MIPOL1: variants seen among roughly 807,000 people sequenced by gnomAD.
MIPOL1 encodes mirror-image polydactyly gene 1 protein.
A neutral mutation model predicts 60.9 loss-of-function variants in MIPOL1; 57 were observed. The ratio of observed to expected loss-of-function variants is 0.94; its 90% CI spans 0.76 to 1.17. MIPOL1 has a LOEUF of 1.17. Among genes scored for constraint, MIPOL1 ranks in the 50% most tolerant of loss-of-function variants. MIPOL1 has a pLI of 0.00. For missense variants in MIPOL1, 551 were observed against 511.6 expected, an observed-to-expected ratio of 1.08 and a Z score of -0.74; for synonymous variants, 179 against 168.8, an observed-to-expected ratio of 1.06 and a Z score of -0.47.
At chr14:37,297,670 CAGAG>C (rs529477775) in intron 7 of MIPOL1, among the ~76,000 whole-genome samples, 1 of 152,068 alleles carries the variant, frequency 6.6e-6, no homozygotes, top group Non-Finnish European at 1.5e-5. Context: ...AACAGACAAA[CAGAG>C]AGCCAAATCA....
intron 10 of MIPOL1, among the ~76,000 whole-genome samples, chr14:37,374,784 T>C (rs1235147926): frequency 4.6e-5 from 7 of 152,174 alleles, no homozygotes; most frequent in African/African-American, 7.2e-5. Context: ...TTTTGGTTAC[T>C]GTAGCCTCGT....
chr14:37,266,671 C>A (rs1460399585), intron 3 of MIPOL1, among the ~76,000 whole-genome samples: 2 of 152,184 alleles, frequency 1.3e-5, no homozygotes, highest in African/African-American at 2.4e-5. Context: ...CCATGGACCA[C>A]TGCCAACTAT....
At chr14:37,261,153 CTT>C (rs2082494946) in intron 3 of MIPOL1, among the ~76,000 whole-genome samples, 1 of 151,616 alleles carries the variant, frequency 6.6e-6, no homozygotes, top group Admixed American at 6.6e-5. Context: ...AGTATTTTCT[CTT>C]TGTGTTTATG....
chr14:37,314,873 G>A (rs1275954228), intron 9 of MIPOL1, among the ~76,000 whole-genome samples: 1 of 152,102 alleles, frequency 6.6e-6, no homozygotes, highest in African/African-American at 2.4e-5. Flanking sequence ...GAAACTAAAA[G>A]CATTTAGTGA....
intron 1 of MIPOL1, among the ~76,000 whole-genome samples, chr14:37,236,727 C>T (rs949439566): frequency 1.3e-5 from 2 of 152,178 alleles, no homozygotes; most frequent in African/African-American, 4.8e-5. Flanking sequence ...TGTGAGCTAC[C>T]ACGCCTGGCC....
At chr14:37,230,977 G>A (rs1008610035) in intron 1 of MIPOL1, among the ~76,000 whole-genome samples, 2 of 151,736 alleles carry the variant, frequency 1.3e-5, no homozygotes, top group African/African-American at 2.4e-5. Context: ...GTTATTTTCC[G>A]GTTATCTGTG....
intron 1 of MIPOL1, among the ~76,000 whole-genome samples, chr14:37,205,587 T>C (rs1192734363): frequency 1.3e-5 from 2 of 152,104 alleles, no homozygotes; most frequent in Admixed American, 6.5e-5. Context: ...ATCATTTACA[T>C]TGGGTGTTTC....
At chr14:37,497,949 T>C (rs542223491) in intron 11 of MIPOL1, among the ~76,000 whole-genome samples, 4 of 152,286 alleles carry the variant, frequency 2.6e-5, no homozygotes, top group South Asian at 4.1e-4. Flanking sequence ...ACTTTACACA[T>C]GAATACCTAG....
intron 11 of MIPOL1, among the ~76,000 whole-genome samples, chr14:37,492,473 T>A (rs1426474007): frequency 6.6e-6 from 1 of 152,218 alleles, no homozygotes; most frequent in Non-Finnish European, 1.5e-5. Flanking sequence ...TGTGTAACAT[T>A]TTTGTACAAA....
intron 9 of MIPOL1, among the ~76,000 whole-genome samples, chr14:37,356,909 A>T (rs2091887760): frequency 6.6e-6 from 1 of 152,138 alleles, no homozygotes; most frequent in South Asian, 2.1e-4. Flanking sequence ...AGCTGTTTCT[A>T]TTCGGCCATC....
intron 11 of MIPOL1, among the ~76,000 whole-genome samples, chr14:37,462,186 GC>G (rs1266013458): frequency 6.6e-6 from 1 of 152,236 alleles, no homozygotes; most frequent in Non-Finnish European, 1.5e-5. Flanking sequence ...TGACTTCTGT[GC>G]ACTCACAGGC....
chr14:37,550,562 G>C lies in MIPOL1; in HGVS notation c.*3591G>C, dbSNP rs924514278. ...TACCTTTTAAAAAAATGATTTATAA[G>C]TGAACTGTTAGGCTCCAGTGATTTC... On this transcript the variant is annotated 3_prime_UTR_variant, in exon 13 of 13. Coordinates refer to ENST00000684589, the MANE Select transcript of MIPOL1 (RefSeq NM_001388067.1). The C allele has an allele frequency of 1.9e-4, 29 of 151,768 alleles. No individual in the cohort carries two copies. Among genetic ancestry groups the C allele is most frequent in the Admixed American group, 2.6e-4 (4 of 15,214 alleles). The allele number at this position is 151,768 out of a possible 1,614,324, so 9.4% of individuals were successfully genotyped here.
intron 9 of MIPOL1, among the ~76,000 whole-genome samples, chr14:37,332,022 C>T (rs529282424): frequency 6.6e-6 from 1 of 152,198 alleles, no homozygotes; most frequent in East Asian, 1.9e-4. Flanking sequence ...CCTGTAATCC[C>T]AGCTGCTCGG....
intron 1 of MIPOL1, among the ~76,000 whole-genome samples, chr14:37,223,322 C>T (rs6571798): frequency 0.26 from 39,218 of 151,866 alleles, 5,227 homozygotes; most frequent in South Asian, 0.33. Flanking sequence ...CATGAGCCAC[C>T]GTGCCTGGCC....
chr14:37,498,713 G>A (rs922490486), intron 11 of MIPOL1, among the ~76,000 whole-genome samples: 4 of 152,220 alleles, frequency 2.6e-5, no homozygotes, highest in South Asian at 4.1e-4. Context: ...GTAACAGTCC[G>A]TATTCTTAGG....
intron 11 of MIPOL1, among the ~76,000 whole-genome samples, chr14:37,470,147 C>A (rs1159523555): frequency 6.6e-6 from 1 of 152,110 alleles, no homozygotes; most frequent in Non-Finnish European, 1.5e-5. Context: ...GAAATGAGAT[C>A]ATGAGTTCAA....
chr14:37,359,453 C>G (rs1276543326), intron 9 of MIPOL1, among the ~76,000 whole-genome samples: 9 of 152,168 alleles, frequency 5.9e-5, no homozygotes. Context: ...GATATTGATT[C>G]TTTCTATCCA....
In MIPOL1 at chr14:37,535,800, A is replaced by G. The variant is rs906585338; in HGVS notation, c.1263-11105A>G. Reference sequence around the variant, plus strand: ...GAATGACAGTGCTTTGTATAATTACATATCTTAGGAGCTAAATTAATTTAT... The same window carrying G: ...GAATGACAGTGCTTTGTATAATTACGTATCTTAGGAGCTAAATTAATTTAT... On this transcript the variant is annotated intron_variant, in intron 12 of 12. Transcript: ENST00000684589. Among the ~76,000 whole-genome samples, 30 of 152,356 alleles carry G rather than the reference A, an allele frequency of 2.0e-4. 1 individual carries two copies. Among genetic ancestry groups the G allele is most frequent in the African/African-American group, 7.2e-4 (30 of 41,596 alleles).
At chr14:37,234,416 C>G (rs1473522734) in intron 1 of MIPOL1, among the ~76,000 whole-genome samples, 2 of 149,618 alleles carry the variant, frequency 1.3e-5, no homozygotes, top group Non-Finnish European at 2.9e-5. Flanking sequence ...GCCTCGAACT[C>G]CTAGGCTCAA....
Sources: allele counts gnomAD v4.1 joint callset (sites outside exome capture counted in the v4.1 genomes callset), GRCh38; gene constraint gnomAD v4.1.1; transcripts MANE v1.5; gene names NCBI Gene and HGNC (gene_info 2026-07-23, HGNC 2026-07-21).